ZMAT4: variants seen among roughly 807,000 people sequenced by gnomAD.
ZMAT4 encodes zinc finger matrin-type protein 4.
ZMAT4 carries 17 observed loss-of-function variants against 28.7 expected under a neutral mutation model. The observed-to-expected ratio is 0.59, with a 90% CI of 0.41 to 0.89. ZMAT4 has a LOEUF of 0.89. Ranked by LOEUF, ZMAT4 falls within the 40% of genes least tolerant of loss-of-function variation. ZMAT4 has a pLI of 0.00. For missense variants in ZMAT4, 240 were observed against 283.8 expected, an observed-to-expected ratio of 0.85 and a Z score of 1.11; for synonymous variants, 117 against 109.2, an observed-to-expected ratio of 1.07 and a Z score of -0.44.
intron 6 of ZMAT4, among the ~76,000 whole-genome samples, chr8:40,560,969 C>T (rs1312020158): frequency 6.6e-6 from 1 of 151,986 alleles, no homozygotes; most frequent in Non-Finnish European, 1.5e-5. Flanking sequence ...TATATTAGTC[C>T]CCAAAAAACC....
chr8:40,657,259 A>AC (rs1807969007), intron 5 of ZMAT4, among the ~76,000 whole-genome samples: 1 of 152,176 alleles, frequency 6.6e-6, no homozygotes, highest in Non-Finnish European at 1.5e-5. Context: ...ACACGTATTT[A>AC]TCATTCCTGG....
At chr8:40,887,302 A>T (rs1818492035) in intron 1 of ZMAT4, among the ~76,000 whole-genome samples, 1 of 151,924 alleles carries the variant, frequency 6.6e-6, no homozygotes, top group South Asian at 2.1e-4. Context: ...CAGCCTGGCC[A>T]ACATGGTGAA....
chr8:40,549,329 T>C (rs1217086535), intron 6 of ZMAT4, among the ~76,000 whole-genome samples: 1 of 152,164 alleles, frequency 6.6e-6, no homozygotes, highest in Non-Finnish European at 1.5e-5. Context: ...TTTGAGGTTG[T>C]TGACTGACTC....
intron 3 of ZMAT4, among the ~76,000 whole-genome samples, chr8:40,714,763 G>C (rs1476066467): frequency 6.6e-6 from 1 of 152,278 alleles, no homozygotes; most frequent in Admixed American, 6.5e-5. Context: ...AGAAGTGTGT[G>C]AAATAGTCCG....
chr8:40,705,289 G>A (rs1035851185), intron 3 of ZMAT4, among the ~76,000 whole-genome samples: 2 of 152,176 alleles, frequency 1.3e-5, no homozygotes, highest in African/African-American at 4.8e-5. Flanking sequence ...AGTTAGATAA[G>A]CCCCACTAAC....
chr8:40,748,110 C>G (rs537462632), intron 3 of ZMAT4, among the ~76,000 whole-genome samples: 1 of 151,974 alleles, frequency 6.6e-6, no homozygotes, highest in Non-Finnish European at 1.5e-5. Context: ...GCTGTAAAAC[C>G]GAGATAATAA....
At chr8:40,544,053 T>C (rs1268349678) in intron 6 of ZMAT4, among the ~76,000 whole-genome samples, 1 of 152,108 alleles carries the variant, frequency 6.6e-6, no homozygotes, top group African/African-American at 2.4e-5. Context: ...GGGAAGGGGA[T>C]GCCACAGGGA....
At chr8:40,765,677 G>T (rs1477347782) in intron 3 of ZMAT4, among the ~76,000 whole-genome samples, 3 of 152,142 alleles carry the variant, frequency 2.0e-5, no homozygotes, top group African/African-American at 7.2e-5. Context: ...TGGCAGCACC[G>T]GAGCTTGATT....
intron 3 of ZMAT4, among the ~76,000 whole-genome samples, chr8:40,730,955 A>G (rs553740221): frequency 5.3e-5 from 8 of 152,274 alleles, no homozygotes; most frequent in African/African-American, 1.9e-4. Flanking sequence ...GCAGCTACTC[A>G]TCTCCCAGCC....
At chr8:40,812,236 G>A (rs977567349) in intron 2 of ZMAT4, among the ~76,000 whole-genome samples, 3 of 151,466 alleles carry the variant, frequency 2.0e-5, no homozygotes, top group African/African-American at 7.2e-5. Context: ...ACTTTGAAGT[G>A]GAGAAACCTG....
chr8:40,853,692 G>A (rs1365491858), intron 1 of ZMAT4, among the ~76,000 whole-genome samples: 1 of 152,138 alleles, frequency 6.6e-6, no homozygotes, highest in African/African-American at 2.4e-5. Flanking sequence ...TCAGTGATTT[G>A]GTGCCATTGT....
chr8:40,782,393 GCAAACAAACAAA>G (rs397695690), intron 2 of ZMAT4, among the ~76,000 whole-genome samples: 23 of 145,152 alleles, frequency 1.6e-4, no homozygotes, highest in East Asian at 1.4e-3. Context: ...TCGAAAACAA[GCAAACAAACAAA>G]CAAACAAACA....
At chr8:40,732,620 C>G (rs979448160) in intron 3 of ZMAT4, among the ~76,000 whole-genome samples, 2 of 152,204 alleles carry the variant, frequency 1.3e-5, no homozygotes, top group African/African-American at 4.8e-5. Flanking sequence ...CAGTCTATAG[C>G]TATCCAAAAT....
chr8:40,672,987 A>C (rs1369773021), intron 5 of ZMAT4, among the ~76,000 whole-genome samples: 3 of 152,226 alleles, frequency 2.0e-5, no homozygotes, highest in Non-Finnish European at 4.4e-5. Context: ...AAGTGTTATT[A>C]ATGTTTGCTC....
rs74641285 is a variant in ZMAT4, at chr8:40,795,848, C to T, written c.103-28118G>A. On this transcript the variant is annotated intron_variant, in intron 2 of 6. Transcript: ENST00000297737. Reference sequence around the variant, plus strand: ...CACCACAAGCATCATAGCATTTAGCCAAGACACTGCCTAGACCAGTTTTGG... The same window carrying T: ...CACCACAAGCATCATAGCATTTAGCTAAGACACTGCCTAGACCAGTTTTGG... 3.2e-3 allele frequency among the ~76,000 whole-genome samples: 484 copies of T among 152,302 alleles called. 2 individuals carry two copies. Among genetic ancestry groups the T allele is most frequent in the African/African-American group, 0.011 (445 of 41,550 alleles).
chr8:40,667,260 A>G (rs537143924), intron 5 of ZMAT4, among the ~76,000 whole-genome samples: 6 of 151,776 alleles, frequency 4.0e-5, no homozygotes, highest in African/African-American at 1.5e-4. Flanking sequence ...GGTTCACGCC[A>G]TTCTCCTGAC....
chr8:40,756,035 C>A (rs934641148), intron 3 of ZMAT4, among the ~76,000 whole-genome samples: 2 of 152,028 alleles, frequency 1.3e-5, no homozygotes, highest in African/African-American at 4.8e-5. Flanking sequence ...CCTGAAGAGA[C>A]CCAAATGAAG....
At chr8:40,559,074 T>C (rs1050237095) in intron 6 of ZMAT4, among the ~76,000 whole-genome samples, 15 of 152,196 alleles carry the variant, frequency 9.9e-5, no homozygotes, top group Non-Finnish European at 2.2e-4. Flanking sequence ...TAACAAGCAC[T>C]GGCTTTGAGA....
intron 5 of ZMAT4, among the ~76,000 whole-genome samples, chr8:40,606,915 T>G (rs1180045641): frequency 5.9e-5 from 9 of 152,114 alleles, no homozygotes; most frequent in Admixed American, 5.9e-4. Context: ...AATCCTTTTT[T>G]CTTTGTCTTT....
Sources: allele counts gnomAD v4.1 joint callset (sites outside exome capture counted in the v4.1 genomes callset), GRCh38; gene constraint gnomAD v4.1.1; transcripts MANE v1.5; gene names NCBI Gene and HGNC (gene_info 2026-07-23, HGNC 2026-07-21).